DNAH12: variants seen among roughly 807,000 people sequenced by gnomAD.
DNAH12 encodes the protein dynein axonemal heavy chain 12.
In DNAH12, 285 loss-of-function variants were observed where a neutral mutation model predicts 371.5. The observed-to-expected ratio is 0.77, with a 90% CI of 0.70 to 0.85. DNAH12 has a LOEUF of 0.85. Ranked by LOEUF, DNAH12 falls within the 40% of genes least tolerant of loss-of-function variation. The probability of loss-of-function intolerance (pLI) is 0.00; values close to 1 mark genes in which losing one functional copy is unlikely to be tolerated. For synonymous variants in DNAH12, 1,200 were observed against 1,213.0 expected (o/e 0.99, Z 0.22); for missense variants, 3,611 against 3,689.4 (o/e 0.98, Z 0.55).
intron 58 of DNAH12, among the ~76,000 whole-genome samples, chr3:57,363,213 C>T (rs1262476981): frequency 6.6e-6 from 1 of 152,136 alleles, no homozygotes; most frequent in Admixed American, 6.5e-5. Context: ...GCTGGGGAAA[C>T]TGGCTAGCCA....
At chr3:57,551,417 A>G in the DNAH12 span, among the ~76,000 whole-genome samples, 1,130 of 151,556 alleles carry the variant, frequency 7.5e-3, 15 homozygotes, top group African/African-American at 0.024. Flanking sequence ...GACTACAGGC[A>G]CCCACGACCA....
Position 57,543,315 on chromosome 3 carries a change from G to GTTTTTTT in DNAH12, c.-33-419_-33-413dup, listed in dbSNP as rs5849214. ...AAGCTGATATTTAACATCATTAATGGTTTTTTTTTTTTTTTTTTTTTTTTT... is the reference window on the plus strand; with the variant it reads ...AAGCTGATATTTAACATCATTAATGGTTTTTTTTTTTTTTTTTTTTTTTTTTTTTTTT... On this transcript the variant is annotated intron_variant, in intron 1 of 73. Coordinates refer to ENST00000495027, the MANE Select transcript of DNAH12 (RefSeq NM_001366028.2). Among the ~76,000 whole-genome samples, 372 of 70,272 alleles carry GTTTTTTT rather than the reference G, an allele frequency of 5.3e-3. 21 individuals are homozygous for GTTTTTTT. The highest frequency in any genetic ancestry group is 7.3e-3 in the African/African-American group (116 of 15,928). 46.1% of individuals were successfully genotyped at this position (70,272 alleles called of 152,430 possible).
chr3:57,437,924 TCTGA>T (rs893650666), intron 29 of DNAH12, among the ~76,000 whole-genome samples: 5 of 152,074 alleles, frequency 3.3e-5, no homozygotes, highest in African/African-American at 1.2e-4. Context: ...GCAACAAAAC[TCTGA>T]CTTAGGTCAA....
In DNAH12 at chr3:57,419,498, C is replaced by G. The variant is rs1253278562; in HGVS notation, c.5583G>C (p.Trp1861Cys). 6.9e-7 allele frequency: 1 copy of G among 1,439,940 alleles called. No homozygotes were observed. The highest frequency in any genetic ancestry group is 9.1e-7 in the Non-Finnish European group (1 of 1,097,786). 89.2% of individuals were successfully genotyped at this position (1,439,940 alleles called of 1,614,324 possible). ...YMYELKNKGR[W>C]VHWNELIKNT... Reference sequence around the variant, plus strand: ...TTTTAATTAATTCATTCCAATGGACCCAGCGACCTTTGTTTTTCAACTACA... The same window carrying G: ...TTTTAATTAATTCATTCCAATGGACGCAGCGACCTTTGTTTTTCAACTACA... Residue 1861 changes from tryptophan (W) to cysteine (C), a missense_variant, in exon 37 of 74, where the codon TGG (tryptophan) becomes TGC (cysteine). By Grantham distance (215) the Trp-to-Cys change is radical. This residue lies in a region of DNAH12 where 2,266 missense variants were observed against 2,236.9 expected (regional missense o/e 1.01). Transcript: ENST00000495027.
At chr3:57,333,841 A>G (rs984701540) in intron 62 of DNAH12, among the ~76,000 whole-genome samples, 5 of 152,212 alleles carry the variant, frequency 3.3e-5, no homozygotes, top group Non-Finnish European at 5.9e-5. Context: ...AGACATGCCA[A>G]AAAGCAGGAA....
At chr3:57,302,529 G>GTTTACATATATATATA (rs879293648) in intron 69 of DNAH12, among the ~76,000 whole-genome samples, 1 of 47,850 alleles carries the variant, frequency 2.1e-5, no homozygotes. Context: ...GGCATCAGGT[G>GTTTACATATATATATA]TATATATATA....
At chr3:57,337,325 T>G (rs1446487471) in intron 60 of DNAH12, among the ~76,000 whole-genome samples, 8 of 151,762 alleles carry the variant, frequency 5.3e-5, no homozygotes, top group Admixed American at 4.6e-4. Flanking sequence ...CTGGGTCACA[T>G]AGGGAGACCC....
intron 72 of DNAH12, 131 bp from the exon 73 acceptor site, chr3:57,295,723 A>G (rs553402276): frequency 8.3e-5 from 58 of 698,112 alleles, no homozygotes; most frequent in Non-Finnish European, 1.2e-4. Context: ...ATGTAAAAAA[A>G]GAAAATGAGA....
intron 30 of DNAH12, 130 bp from the exon 31 acceptor site, chr3:57,433,958 A>T: frequency 1.3e-6 from 1 of 762,678 alleles, no homozygotes; most frequent in Non-Finnish European, 1.9e-6. Flanking sequence ...TTTTTCTCAG[A>T]CATGAAGAAA....
rs781857637 is a variant in DNAH12, at chr3:57,403,512, AG to A, written c.6756-12del. 121 of 1,534,670 alleles carry A rather than the reference AG, an allele frequency of 7.9e-5. No homozygotes were observed. Among genetic ancestry groups the A allele is most frequent in the Non-Finnish European group, 1.0e-4 (117 of 1,140,626 alleles). The stretch of plus-strand genomic sequence containing the variant: ...TGTTCCAAAACATACCTACCACAAA[AG>A]AAAAATTTTATTAATGCATTACAAT... On this transcript the variant is annotated splice_polypyrimidine_tract_variant and intron_variant, in intron 42 of 73. Transcript: ENST00000495027.
intron 29 of DNAH12, among the ~76,000 whole-genome samples, chr3:57,438,674 C>A (rs1306972879): frequency 6.6e-6 from 1 of 151,990 alleles, no homozygotes; most frequent in East Asian, 1.9e-4. Context: ...GCAATCCGGC[C>A]GGGCGCGGTG....
At chr3:57,426,911 G>A (rs1284552280) in intron 34 of DNAH12, among the ~76,000 whole-genome samples, 1 of 151,672 alleles carries the variant, frequency 6.6e-6, no homozygotes, top group Non-Finnish European at 1.5e-5. Flanking sequence ...GTGGAAAGGT[G>A]AAGCCTATTT....
chr3:57,322,542 C>CAT (rs1431490534), intron 64 of DNAH12, 59 bp from the exon 65 acceptor site: 1 of 1,484,540 alleles, frequency 6.7e-7, no homozygotes, highest in Non-Finnish European at 9.0e-7. Context: ...TCTAAAAGTG[C>CAT]ATATACACGT....
At chr3:57,343,584 T>C (rs1442342833) in intron 60 of DNAH12, among the ~76,000 whole-genome samples, 1 of 152,346 alleles carries the variant, frequency 6.6e-6, no homozygotes, top group East Asian at 1.9e-4. Flanking sequence ...GTCTGAAATA[T>C]GGCCTTGTGG....
At chr3:57,481,659 G>A (rs1169733246) in intron 13 of DNAH12, among the ~76,000 whole-genome samples, 1 of 152,138 alleles carries the variant, frequency 6.6e-6, no homozygotes, top group Admixed American at 6.6e-5. Flanking sequence ...CACGCTACCT[G>A]ACTTCAAACT....
intron 12 of DNAH12, among the ~76,000 whole-genome samples, chr3:57,485,493 C>G (rs149768789): frequency 6.6e-6 from 1 of 151,736 alleles, no homozygotes; most frequent in Non-Finnish European, 1.5e-5. Flanking sequence ...ACCTTCACCT[C>G]CAGGTTCAAG....
intron 30 of DNAH12, among the ~76,000 whole-genome samples, chr3:57,436,238 T>C (rs1404372029): frequency 6.6e-6 from 1 of 152,142 alleles, no homozygotes; most frequent in Non-Finnish European, 1.5e-5. Context: ...TTTACTTATA[T>C]AACTATAAAT....
rs1412317639 is a variant in DNAH12 at position 57,444,151 on chromosome 3, C to T, written c.4545+546G>A. On this transcript the variant is annotated intron_variant, in intron 29 of 73. Coordinates refer to ENST00000495027, the MANE Select transcript of DNAH12 (RefSeq NM_001366028.2). ...GGGAGGCAGAGCTTGCAGTGGGCTG[C>T]GATTGCACCATTGCACTCCAGCCTG... Among the ~76,000 whole-genome samples the T allele has an allele frequency of 2.0e-5, 3 of 151,850 alleles. 1 individual carries two copies. The East Asian group carries it at 5.8e-4, about 29-fold the overall frequency.
chr3:57,541,854 T>G (rs2069298507), intron 2 of DNAH12, among the ~76,000 whole-genome samples: 1 of 151,942 alleles, frequency 6.6e-6, no homozygotes, highest in African/African-American at 2.4e-5. Context: ...AAAATTAAAA[T>G]TATTAAATTG....
Sources: gnomAD v4.1 joint callset for allele counts (sites outside exome capture counted in the v4.1 genomes callset) on GRCh38, gnomAD v4.1.1 for gene constraint, gnomAD v4.1.1 regional missense constraint, MANE v1.5 for transcripts, NCBI Gene and HGNC (gene_info 2026-07-23, HGNC 2026-07-21) for gene names.